ASB9: variants seen among roughly 807,000 people sequenced by gnomAD.
ASB9 encodes ankyrin repeat and SOCS box protein 9.
Under a neutral mutation model 16.6 loss-of-function variants are expected in ASB9, and 5 were observed. That is an observed-to-expected ratio of 0.30 (90% CI 0.16 to 0.63). ASB9 has a LOEUF of 0.63. ASB9 is among the 30% of genes least tolerant of loss of function. The pLI, the probability that ASB9 is intolerant of heterozygous loss-of-function variation, is 0.82. For missense variants in ASB9, 216 were observed against 229.4 expected, an observed-to-expected ratio of 0.94 and a Z score of 0.38; for synonymous variants, 100 against 86.4, an observed-to-expected ratio of 1.16 and a Z score of -0.87.
chrX:15,262,162 T>C (rs945309822), intron 1 of ASB9, among the ~76,000 whole-genome samples: 9 of 108,949 alleles, frequency 8.3e-5, no homozygotes, highest in African/African-American at 1.7e-4. Flanking sequence ...TTCCATTGTA[T>C]GGATAAGCCA....
intron 1 of ASB9, among the ~76,000 whole-genome samples, chrX:15,267,370 C>T (rs1367144185): frequency 9.1e-6 from 1 of 109,862 alleles, no homozygotes; most frequent in Admixed American, 9.9e-5. Context: ...GAGATGGTGC[C>T]ACTGCACTCC....
At position 15,252,136 on chromosome X, in the gene ASB9, C is replaced by T. The variant is rs775320159; in HGVS notation, c.433+118G>A. The T allele has an allele frequency of 3.7e-5, 31 of 831,196 alleles. No homozygotes were observed. In the East Asian group the frequency reaches 5.4e-4, roughly 15 times the overall value. 68.5% of individuals were successfully genotyped at this position (831,196 alleles called of 1,213,427 possible). ...GCCAGGTCATGCTGATGCTTCCAGT[C>T]CTGGGACTCCATTTTGAGAACTACT... On this transcript the variant is annotated intron_variant, in intron 4 of 6. Coordinates refer to ENST00000380488, the MANE Select transcript of ASB9 (RefSeq NM_001031739.3).
At chrX:15,266,119 A>C (rs1290209131) in intron 1 of ASB9, among the ~76,000 whole-genome samples, 1 of 110,318 alleles carries the variant, frequency 9.1e-6, no homozygotes, top group Non-Finnish European at 1.9e-5. Flanking sequence ...TTGTATTTTT[A>C]GTAGAGATGG....
chrX:15,249,148 G>A (rs1369220047), intron 5 of ASB9, among the ~76,000 whole-genome samples: 1 of 112,282 alleles, frequency 8.9e-6, no homozygotes, highest in Non-Finnish European at 1.9e-5. Flanking sequence ...GAGGAATATA[G>A]CATAGAAAGT....
At chrX:15,251,653 T>C (rs950156683) in intron 4 of ASB9, among the ~76,000 whole-genome samples, 1 of 111,473 alleles carries the variant, frequency 9.0e-6, no homozygotes, top group African/African-American at 3.3e-5. Flanking sequence ...TGCTAAATAT[T>C]GGAGAAAATA....
intron 5 of ASB9, 72 bp from the exon 6 acceptor site, chrX:15,249,007 G>A (rs968049997): frequency 1.0e-4 from 108 of 1,033,567 alleles, no homozygotes; most frequent in Non-Finnish European, 1.3e-4. Flanking sequence ...TCAAAGCCCC[G>A]AGCCCCAAAA....
At position 15,252,388 on chromosome X, in the gene ASB9, G is replaced by T. The variant is rs777455315; in HGVS notation, c.299C>A (p.Ala100Glu). The T allele has an allele frequency of 3.3e-6, 4 of 1,200,115 alleles. No homozygotes were observed. Among genetic ancestry groups the T allele is most frequent in the Non-Finnish European group, 4.5e-6 (4 of 891,059 alleles). ...ATTAAACAGTGGAGTGTGCCAGTCTGCTGTCACACCATTCACCTGGTAAAA... is the reference window on the plus strand; with the variant it reads ...ATTAAACAGTGGAGTGTGCCAGTCTTCTGTCACACCATTCACCTGGTAAAA... ...KHGAQVNGVT[A>E]DWHTPLFNAC... is the part of the protein sequence containing the mutation. Residue 100 changes from alanine to glutamate, a missense_variant, in exon 4 of 7, where the codon GCA becomes GAA. By Grantham distance (107) the Ala-to-Glu change is moderately radical. Transcript: ENST00000380488.
At chrX:15,249,107 C>T (rs1387495862) in intron 5 of ASB9, among the ~76,000 whole-genome samples, 172 bp from the exon 6 acceptor site, 1 of 111,715 alleles carries the variant, frequency 9.0e-6, no homozygotes, top group African/African-American at 3.3e-5. Flanking sequence ...GGGGAAAATC[C>T]CACCTGATAA....
chrX:15,267,418 AT>A (rs1310807082), intron 1 of ASB9, among the ~76,000 whole-genome samples: 362 of 23,987 alleles, frequency 0.015, 1 homozygote, highest in African/African-American at 0.062. Context: ...TAAAAAAAAA[AT>A]ATATATATAT....
In ASB9 at chrX:15,257,748, A is replaced by G. The variant is rs960969370; in HGVS notation, c.174+1118T>C. ...AAAGATTGAATGGCTTAACTTTAAT[A>G]TATCTATTTTCAGTCGTCAACTACG... On this transcript the variant is annotated intron_variant, in intron 2 of 6. Coordinates refer to ENST00000380488, the MANE Select transcript of ASB9 (RefSeq NM_001031739.3). Among the ~76,000 whole-genome samples, 11 of 112,018 alleles carry G rather than the reference A, an allele frequency of 9.8e-5. No homozygotes were observed. The Admixed American group carries it at 1.0e-3, about 11-fold the overall frequency.
intron 1 of ASB9, among the ~76,000 whole-genome samples, chrX:15,259,304 C>T (rs973957367): frequency 8.9e-6 from 1 of 112,449 alleles, no homozygotes; most frequent in Non-Finnish European, 1.9e-5. Context: ...GTGTGTTAAG[C>T]TGTAGCTGTC....
At chrX:15,251,294 C>T (rs878884856) in intron 4 of ASB9, among the ~76,000 whole-genome samples, 2 of 111,565 alleles carry the variant, frequency 1.8e-5, no homozygotes, top group Admixed American at 9.5e-5. Context: ...CTTACAACCT[C>T]TCCAAAGGCA....
intron 5 of ASB9, 50 bp from the exon 6 acceptor site, chrX:15,248,985 C>A (rs56088357): frequency 1.9e-6 from 2 of 1,077,250 alleles, no homozygotes; most frequent in Non-Finnish European, 1.2e-6. Context: ...AGAATCCAAC[C>A]ATCGGGGCTT....
intron 3 of ASB9, 40 bp downstream of exon 3, chrX:15,254,697 T>G (rs761991684): frequency 2.2e-5 from 24 of 1,067,052 alleles, no homozygotes; most frequent in Non-Finnish European, 3.1e-5. Context: ...TAGTCATTTT[T>G]CATTCTTGGT....
Position 15,248,925 on chromosome X carries a change from C to G in ASB9, c.579G>C (p.Val193=), listed in dbSNP as rs780148715. 2.5e-5 allele frequency: 30 copies of G among 1,189,591 alleles called. 1 individual carries two copies. The highest frequency in any genetic ancestry group is 3.2e-5 in the Non-Finnish European group (28 of 882,827). Residue 193 remains valine, a synonymous_variant, in exon 6 of 7, where the codon GTG becomes GTC. Transcript: ENST00000380488. ...GGGAATCCTGACCTTTCCCTTGGTT[C>G]ACGTCCGCTCCTAAACAGTCACGAG... is the stretch of plus-strand genomic sequence containing the variant. ...VKKLLESGAD[V]NQGKGQDSPL...
At position 15,244,576 on chromosome X, in the gene ASB9, A is replaced by C; in HGVS notation, c.815T>G (p.Ile272Ser). Residue 272 changes from isoleucine to serine, a missense_variant, in exon 7 of 7, where the codon ATC becomes AGC. By Grantham distance (142) the Ile-to-Ser change is moderately radical. Transcript: ENST00000380488. ...TTTGGTTATCTTATGATGCTGCTGG[A>C]TTCCAAAACACTTCCGAATTCTAAG... ...CRLRIRKCFG[I>S]QQHHKITKLV... is the part of the protein sequence containing the mutation. The C allele has an allele frequency of 8.3e-7, 1 of 1,200,134 alleles. No homozygotes were observed. Among genetic ancestry groups the C allele is most frequent in the Non-Finnish European group, 1.1e-6 (1 of 885,461 alleles).
chrX:15,250,393 G>T, intron 5 of ASB9, 37 bp downstream of exon 5: 1 of 1,182,225 alleles, frequency 8.5e-7, no homozygotes, highest in Non-Finnish European at 1.1e-6. Context: ...TTTACTTTTC[G>T]TTTTCTTTTC....
chrX:15,270,168 G>A (rs1464276211), upstream of ASB9: 1 of 221,072 alleles, frequency 4.5e-6, no homozygotes, highest in Admixed American at 7.4e-5. Context: ...CCAGCCCTAA[G>A]TCTGCGAAGT....
chrX:15,267,425 T>TTAAAAAAAAAAAAAAAATAC, intron 1 of ASB9, among the ~76,000 whole-genome samples: 255 of 87,305 alleles, frequency 2.9e-3, no homozygotes, highest in African/African-American at 8.1e-3. Context: ...AAAATATATA[T>TTAAAAAAAAAAAAAAAATAC]ATATATATAA....
Sources: gnomAD v4.1 joint callset for allele counts (sites outside exome capture counted in the v4.1 genomes callset) on GRCh38, gnomAD v4.1.1 for gene constraint, MANE v1.5 for transcripts, NCBI Gene and HGNC (gene_info 2026-07-23, HGNC 2026-07-21) for gene names.